The following SMS variants were observed in gnomAD, a reference collection of about 807,000 sequenced individuals.
The protein encoded by SMS is spermine synthase.
A neutral mutation model predicts 33.0 loss-of-function variants in SMS; 3 were observed. The ratio of observed to expected loss-of-function variants is 0.09; its 90% confidence interval spans 0.04 to 0.23. The LOEUF (loss-of-function observed/expected upper bound fraction) is 0.23. SMS is among the 10% of genes least tolerant of loss of function. The pLI is 1.00. For synonymous variants in SMS, 103 were observed against 112.2 expected (o/e 0.92, Z 0.52); for missense variants, 117 against 288.6 (o/e 0.41, Z 4.31).
chrX:21,960,221 C>G (rs765021244), intron 1 of SMS, among the ~76,000 whole-genome samples: 1 of 110,362 alleles, frequency 9.1e-6, no homozygotes, highest in Non-Finnish European at 1.9e-5. Flanking sequence ...CCCCTTGGAG[C>G]CAGTTCTGGG....
At chrX:21,962,816 C>T (rs939377672) in intron 1 of SMS, among the ~76,000 whole-genome samples, 6 of 110,509 alleles carry the variant, frequency 5.4e-5, no homozygotes, top group Non-Finnish European at 7.6e-5. Flanking sequence ...CCACTATGTC[C>T]GGCTAATTTT....
intron 1 of SMS, among the ~76,000 whole-genome samples, chrX:21,944,544 A>AAAGAAAAG (rs1555992699): frequency 1.0e-5 from 1 of 99,060 alleles, no homozygotes; most frequent in Admixed American, 1.4e-4. Context: ...AAAAAAAAAA[A>AAAGAAAAG]AGAAAAAAAA....
At chrX:21,965,584 CAAAAA>C (rs372094407) in intron 1 of SMS, among the ~76,000 whole-genome samples, 1 of 60,627 alleles carries the variant, frequency 1.6e-5, no homozygotes, top group African/African-American at 9.0e-5. Context: ...ACTACAAATA[CAAAAA>C]AAAAAAAAAA....
In SMS at chrX:21,977,948, TCTC is replaced by T. The variant is rs1398241475; in HGVS notation, c.506-7_506-5del. On this transcript the variant is annotated splice_polypyrimidine_tract_variant and intron_variant, in intron 5 of 10. Transcript: ENST00000404933. ...GGTAGACTCACCATTTGGATCTGTTTCTCCTCCCTAGATTTGGCAGAGAGTGAT... is the reference window on the plus strand; with the variant it reads ...GGTAGACTCACCATTTGGATCTGTTTCTCCCTAGATTTGGCAGAGAGTGAT... 1 of 1,207,979 alleles carries T rather than the reference TCTC, an allele frequency of 8.3e-7. No homozygotes were observed. The highest frequency in any genetic ancestry group is 1.1e-6 in the Non-Finnish European group (1 of 893,447).
intron 4 of SMS, among the ~76,000 whole-genome samples, chrX:21,974,418 C>T (rs1385296751): frequency 8.9e-6 from 1 of 112,078 alleles, no homozygotes; most frequent in East Asian, 2.8e-4. Flanking sequence ...TTACCCTTCA[C>T]CTTCCTTTAA....
At chrX:21,970,930 C>T (rs922142973) in intron 2 of SMS, among the ~76,000 whole-genome samples, 1 of 109,968 alleles carries the variant, frequency 9.1e-6, no homozygotes, top group African/African-American at 3.3e-5. Context: ...GGCATGGTGG[C>T]TCACGCCTGT....
chrX:21,978,975 T>G lies in SMS; in HGVS notation c.750+9T>G. 1 of 1,119,824 alleles carries G rather than the reference T, an allele frequency of 8.9e-7. No homozygotes were observed. The highest frequency in any genetic ancestry group is 1.2e-6 in the Non-Finnish European group (1 of 811,647). The allele number at this position is 1,119,824 out of a possible 1,213,427, so 92.3% of individuals were successfully genotyped here. On this transcript the variant is annotated intron_variant, in intron 7 of 10. Transcript: ENST00000404933. ...AAGGAGACTGCTATCAGGTAATTGT[T>G]TTCTGGATAATGTAGTTTTAAGTGA... is the stretch of plus-strand genomic sequence containing the variant.
chrX:21,963,454 C>T (rs1370410050), intron 1 of SMS, among the ~76,000 whole-genome samples: 1 of 112,668 alleles, frequency 8.9e-6, no homozygotes, highest in African/African-American at 3.2e-5. Flanking sequence ...TTTTACTGAA[C>T]TTGGCGGGTA....
intron 9 of SMS, among the ~76,000 whole-genome samples, chrX:21,986,994 G>GTTT (rs1925384333): frequency 2.5e-5 from 1 of 40,061 alleles, no homozygotes; most frequent in Non-Finnish European, 4.5e-5. Context: ...GACTTATGAT[G>GTTT]GTTTTTTTTT....
intron 1 of SMS, among the ~76,000 whole-genome samples, chrX:21,948,778 GT>G (rs1922411881): frequency 8.9e-6 from 1 of 111,755 alleles, no homozygotes; most frequent in South Asian, 3.7e-4. Flanking sequence ...TCTTAGTTTA[GT>G]TTTTGGAGTC....
chrX:21,949,558 A>T (rs1267474922), intron 1 of SMS, among the ~76,000 whole-genome samples: 2 of 112,219 alleles, frequency 1.8e-5, no homozygotes, highest in African/African-American at 6.5e-5. Context: ...TTTTAAAAGG[A>T]CACTTTGATT....
chrX:21,965,772 T>TAATA (rs939742896), intron 1 of SMS, among the ~76,000 whole-genome samples: 8 of 106,348 alleles, frequency 7.5e-5, no homozygotes, highest in African/African-American at 2.7e-4. Flanking sequence ...TAAAATAAAA[T>TAATA]AATAAATAAA....
intron 3 of SMS, among the ~76,000 whole-genome samples, chrX:21,972,296 A>C (rs1362333149): frequency 9.0e-6 from 1 of 111,508 alleles, no homozygotes; most frequent in Non-Finnish European, 1.9e-5. Context: ...CTTTGTTGCT[A>C]ACTTACGCTA....
intron 1 of SMS, among the ~76,000 whole-genome samples, chrX:21,943,105 C>A (rs893130532): frequency 9.0e-6 from 1 of 111,460 alleles, no homozygotes; most frequent in African/African-American, 3.3e-5. Context: ...CCTCAGCCTC[C>A]CAAAGGGCTG....
rs775242379 is a variant in SMS at position 21,940,756 on chromosome X, G to A, written c.-69G>A. ...GCACACTCCCAGCCGGCCGCAGCCT[G>A]ACACGCCGCGCGGCCCCCCAGTCTC... On this transcript the variant is annotated 5_prime_UTR_variant, in exon 1 of 11. Transcript: ENST00000404933. 294 of 920,575 alleles carry A rather than the reference G, an allele frequency of 3.2e-4. No homozygotes were observed. The Middle Eastern group carries it at 0.01, about 33-fold the overall frequency. The allele number at this position is 920,575 out of a possible 1,213,427, so 75.9% of individuals were successfully genotyped here. A position where few individuals can be genotyped will look rare whatever the true frequency, so the allele number is the denominator to read the frequency against.
intron 1 of SMS, among the ~76,000 whole-genome samples, chrX:21,957,594 C>T (rs1391562373): frequency 8.9e-6 from 1 of 112,046 alleles, no homozygotes; most frequent in East Asian, 2.8e-4. Context: ...CCTTCTTTTT[C>T]AAATAATGGC....
intron 1 of SMS, among the ~76,000 whole-genome samples, chrX:21,943,695 C>G (rs1356196240): frequency 2.7e-5 from 3 of 110,906 alleles, no homozygotes; most frequent in Non-Finnish European, 5.7e-5. Flanking sequence ...TACAAGTGTT[C>G]TGGGCGTAAG....
intron 9 of SMS, among the ~76,000 whole-genome samples, chrX:21,989,543 C>G (rs1007284717): frequency 1.1e-4 from 12 of 112,078 alleles, no homozygotes; most frequent in Non-Finnish European, 1.7e-4. Context: ...ATAGAACAAG[C>G]TTGCTGATGT....
chrX:21,961,348 T>C (rs1457265258), intron 1 of SMS, among the ~76,000 whole-genome samples: 1 of 110,365 alleles, frequency 9.1e-6, no homozygotes, highest in Non-Finnish European at 1.9e-5. Flanking sequence ...GAGCCTGTTA[T>C]GGGGAATGTT....
Sources: gnomAD v4.1 joint callset for allele counts (sites outside exome capture counted in the v4.1 genomes callset) on GRCh38, gnomAD v4.1.1 for gene constraint, MANE v1.5 for transcripts, NCBI Gene and HGNC (gene_info 2026-07-23, HGNC 2026-07-21) for gene names.